Variants in C1QTNF9B observed in about 807,000 individuals in gnomAD.
C1QTNF9B encodes complement C1q and tumor necrosis factor-related protein 9B.
A neutral mutation model predicts 10.1 loss-of-function variants in C1QTNF9B; 9 were observed. The ratio of observed to expected loss-of-function variants is 0.89; its 90% confidence interval spans 0.53 to 1.55. The LOEUF is 1.55. C1QTNF9B is among the 40% of genes most tolerant of loss of function. The probability of loss-of-function intolerance (pLI) is 0.00; values close to 1 mark genes in which losing one functional copy is unlikely to be tolerated. For missense variants in C1QTNF9B, 196 were observed against 414.4 expected (o/e 0.47, Z 4.58); for synonymous variants, 79 against 159.9 (o/e 0.49, Z 3.82).
Position 23,891,350 on chromosome 13 carries a change from A to G in C1QTNF9B, c.941T>C (p.Leu314Ser), listed in dbSNP as rs368193071. Residue 314 changes from leucine (L) to serine (S), a missense_variant, in exon 3 of 3, where the codon TTG (leucine) becomes TCG (serine). Physicochemically the swap from Leu to Ser is moderately radical, Grantham distance 145. Transcript: ENST00000382137. The stretch of plus-strand genomic sequence containing the variant: ...TGTGTCATCGTCCTCATCAGCAAAC[A>G]AGCCATTGAACCTCTCTCCTCCTGT... The G allele has an allele frequency of 2.5e-5, 40 of 1,573,842 alleles. 5 individuals carry two copies. In the African/African-American group the frequency reaches 5.1e-4, roughly 20 times the overall value.
intron 2 of C1QTNF9B, among the ~76,000 whole-genome samples, chr13:23,893,696 C>G (rs1029646056): frequency 6.6e-6 from 1 of 152,118 alleles, no homozygotes; most frequent in African/African-American, 2.4e-5. Flanking sequence ...TCTGGAACTC[C>G]TAGGTTCAAG....
At position 23,894,105 on chromosome 13, in the gene C1QTNF9B, C is replaced by T. The variant is rs1490651807; in HGVS notation, c.229+34G>A. 2.8e-6 allele frequency: 4 copies of T among 1,415,306 alleles called. No individual in the cohort carries two copies. The South Asian group carries it at 4.5e-5, about 16-fold the overall frequency. 87.7% of individuals were successfully genotyped at this position (1,415,306 alleles called of 1,614,324 possible). On this transcript the variant is annotated intron_variant, in intron 2 of 2. Transcript: ENST00000382137. ...TAATATTGTTAAATAGTCGACAGCT[C>T]AGAATTAGAGCACCATAAATAGGAA... is the stretch of plus-strand genomic sequence containing the variant.
chr13:23,895,361 A>G (rs1475915419), intron 1 of C1QTNF9B, among the ~76,000 whole-genome samples: 2 of 152,188 alleles, frequency 1.3e-5, no homozygotes, highest in Non-Finnish European at 2.9e-5. Context: ...GTAGTATATG[A>G]AAAATATGTT....
chr13:23,894,205 G>A lies in C1QTNF9B; in HGVS notation c.167-4C>T, dbSNP rs1872117819. Reference sequence around the variant, plus strand: ...CTGCCAGGACATCCTGGTTCTCCTAGGTGGAAAAGCAGAAAACAGGCATGA... The same window carrying A: ...CTGCCAGGACATCCTGGTTCTCCTAAGTGGAAAAGCAGAAAACAGGCATGA... On this transcript the variant is annotated splice_polypyrimidine_tract_variant and splice_region_variant and intron_variant, in intron 1 of 2. Transcript: ENST00000382137. The A allele has an allele frequency of 6.7e-7, 1 of 1,487,080 alleles. No homozygotes were observed. Among genetic ancestry groups the A allele is most frequent in the African/African-American group, 1.4e-5 (1 of 71,010 alleles). 92.1% of individuals were successfully genotyped at this position (1,487,080 alleles called of 1,614,324 possible).
At chr13:23,897,208 A>C (rs1346471607), upstream of C1QTNF9B, 3 of 559,200 alleles carry the variant, frequency 5.4e-6, no homozygotes, top group Non-Finnish European at 9.3e-6. Flanking sequence ...AACACTTGTG[A>C]TTGGAACCAC....
chr13:23,895,191 C>G (rs927135756), intron 1 of C1QTNF9B, among the ~76,000 whole-genome samples: 12 of 151,908 alleles, frequency 7.9e-5, no homozygotes, highest in African/African-American at 2.9e-4. Flanking sequence ...TCCCCTGTGT[C>G]TTCCTCTCCT....
chr13:23,892,948 G>A (rs1304831038), intron 2 of C1QTNF9B, among the ~76,000 whole-genome samples: 4 of 152,066 alleles, frequency 2.6e-5, no homozygotes, highest in Non-Finnish European at 4.4e-5. Flanking sequence ...AGCCTGCATC[G>A]AGGCATTGCC....
intron 1 of C1QTNF9B, among the ~76,000 whole-genome samples, chr13:23,894,811 A>C (rs1872142006): frequency 6.6e-6 from 1 of 152,220 alleles, no homozygotes; most frequent in African/African-American, 2.4e-5. Flanking sequence ...CCTTGTGCTC[A>C]GAACAGGCCC....
intron 1 of C1QTNF9B, among the ~76,000 whole-genome samples, chr13:23,895,663 A>G (rs1041993190): frequency 3.3e-5 from 5 of 152,138 alleles, no homozygotes; most frequent in Non-Finnish European, 5.9e-5. Context: ...TGTATCACCT[A>G]TTTATCTCCT....
At chr13:23,897,183 T>TC, upstream of C1QTNF9B, 1 of 616,348 alleles carries the variant, frequency 1.6e-6, no homozygotes, top group Non-Finnish European at 2.7e-6. Flanking sequence ...CAGGATGACA[T>TC]TGTCCTTGGA....
upstream of C1QTNF9B, chr13:23,897,062 C>G (rs1872229601): frequency 1.3e-6 from 2 of 1,594,190 alleles, no homozygotes; most frequent in African/African-American, 1.3e-5. Context: ...GGGCCCTGGA[C>G]ACAGCCTCCG....
chr13:23,894,578 G>A (rs769473110), intron 1 of C1QTNF9B: 3 of 504,230 alleles, frequency 5.9e-6, no homozygotes, highest in Non-Finnish European at 7.7e-6. Flanking sequence ...GTGCGAGGAG[G>A]TTTCCTCACT....
exon 1 of C1QTNF9B, chr13:23,896,985 A>G (rs762422936): frequency 7.4e-6 from 12 of 1,613,744 alleles, no homozygotes; most frequent in South Asian, 1.1e-5. Context: ...CCAGATCCTC[A>G]TGGTTCAGAT....
intron 1 of C1QTNF9B, among the ~76,000 whole-genome samples, chr13:23,894,884 T>C (rs1364236370): frequency 6.6e-6 from 1 of 152,140 alleles, no homozygotes; most frequent in Non-Finnish European, 1.5e-5. Flanking sequence ...GCTATGGCAG[T>C]AGAGTGCTCA....
chr13:23,894,289 A>T lies in C1QTNF9B; in HGVS notation c.167-88T>A. 1.7e-6 allele frequency: 2 copies of T among 1,195,364 alleles called. 1 individual carries two copies. The highest frequency in any genetic ancestry group is 3.8e-5 in the Admixed American group (2 of 53,126). 74.0% of individuals were successfully genotyped at this position (1,195,364 alleles called of 1,614,324 possible). A position where few individuals can be genotyped will look rare whatever the true frequency, so the allele number is the denominator to read the frequency against. ...GGTCTCCATCAGCCATGTGTTGGAG[A>T]GTCTGGGGGTGACCCCCGCCCTGAC... On this transcript the variant is annotated intron_variant, in intron 1 of 2. Coordinates refer to ENST00000382137, the Ensembl canonical transcript of C1QTNF9B.
At chr13:23,895,531 C>T (rs907890698) in intron 1 of C1QTNF9B, among the ~76,000 whole-genome samples, 12 of 151,914 alleles carry the variant, frequency 7.9e-5, no homozygotes, top group African/African-American at 2.9e-4. Flanking sequence ...ACATTTGCTT[C>T]TAAGAAGTAT....
chr13:23,892,323 T>C (rs539681282), intron 2 of C1QTNF9B, among the ~76,000 whole-genome samples: 1 of 151,968 alleles, frequency 6.6e-6, no homozygotes, highest in African/African-American at 2.4e-5. Context: ...TCCCTGACTC[T>C]AAAAAAATAA....
At chr13:23,892,559 G>A (rs1041232956) in intron 2 of C1QTNF9B, among the ~76,000 whole-genome samples, 2 of 152,194 alleles carry the variant, frequency 1.3e-5, no homozygotes, top group African/African-American at 2.4e-5. Context: ...GGAGGCTGAG[G>A]TGGGAGGATG....
upstream of C1QTNF9B, chr13:23,897,090 T>A (rs1332506594): frequency 4.6e-6 from 7 of 1,519,680 alleles, no homozygotes; most frequent in African/African-American, 9.6e-5. Flanking sequence ...CAGTGGGAAA[T>A]GGATGAGCTG....
Sources: allele counts gnomAD v4.1 joint callset (sites outside exome capture counted in the v4.1 genomes callset), GRCh38; gene constraint gnomAD v4.1.1; transcripts MANE v1.5; gene names NCBI Gene and HGNC (gene_info 2026-07-23, HGNC 2026-07-21).